CEP83: variants seen among roughly 807,000 people sequenced by gnomAD.
The protein encoded by CEP83 is centrosomal protein of 83 kDa.
Under a neutral mutation model 101.9 loss-of-function variants are expected in CEP83, and 70 were observed. The observed-to-expected ratio is 0.69, with a 90% CI of 0.57 to 0.84. The LOEUF is 0.84. CEP83 is among the 40% of genes least tolerant of loss of function. The pLI is 0.00. For missense variants in CEP83, 715 were observed against 787.2 expected (o/e 0.91, Z 1.10); for synonymous variants, 264 against 267.9 (o/e 0.99, Z 0.14).
At chr12:94,297,077 C>G in the CEP83 span, 1 of 1,000,916 alleles carries the variant, frequency 1.0e-6, no homozygotes, top group Non-Finnish European at 1.5e-6. Flanking sequence ...AGTCAAAAAG[C>G]TCAAGTAACT....
At chr12:94,334,947 T>C (rs2059390001) in intron 12 of CEP83, among the ~76,000 whole-genome samples, 1 of 152,050 alleles carries the variant, frequency 6.6e-6, no homozygotes, top group Non-Finnish European at 1.5e-5. Context: ...GTTATGTCCA[T>C]CTAGTTAAGA....
the CEP83 span, among the ~76,000 whole-genome samples, chr12:94,280,466 C>T: frequency 6.6e-6 from 1 of 152,300 alleles, no homozygotes; most frequent in South Asian, 2.1e-4. Flanking sequence ...CAGTCCAGCC[C>T]CCTGCTAAAA....
chr12:94,277,730 A>C, the CEP83 span: 1 of 345,566 alleles, frequency 2.9e-6, no homozygotes, highest in South Asian at 2.2e-5. Context: ...TCTGTTTGCA[A>C]ATGAGTGGAT....
chr12:94,370,149 G>A lies in CEP83; in HGVS notation c.934-113C>T, dbSNP rs571026090. 1.1e-4 allele frequency: 71 copies of A among 640,448 alleles called. No homozygotes were observed. In the South Asian group the frequency reaches 1.4e-3, roughly 12 times the overall value. 39.7% of individuals were successfully genotyped at this position (640,448 alleles called of 1,614,324 possible). A position where few individuals can be genotyped will look rare whatever the true frequency, so the allele number is the denominator to read the frequency against. On this transcript the variant is annotated intron_variant, in intron 8 of 16. Transcript: ENST00000397809. ...GCTCTGGTAGTAAAGTAGAGTCTAA[G>A]TATCTTCCAAGAAGAAAGAAGTGTC...
At chr12:94,356,767 T>C (rs2060496164) in intron 11 of CEP83, among the ~76,000 whole-genome samples, 1 of 152,224 alleles carries the variant, frequency 6.6e-6, no homozygotes. Flanking sequence ...TTACTCGAGC[T>C]TGTCTAACTC....
At chr12:94,451,524 T>G (rs1315802817) in intron 1 of CEP83, among the ~76,000 whole-genome samples, 2 of 147,984 alleles carry the variant, frequency 1.4e-5, no homozygotes, top group South Asian at 2.1e-4. Context: ...AAACAGATAT[T>G]CCACCAAATG....
At chr12:94,333,064 A>AC (rs2059300980) in intron 13 of CEP83, among the ~76,000 whole-genome samples, 3 of 151,176 alleles carry the variant, frequency 2.0e-5, no homozygotes, top group Non-Finnish European at 3.0e-5. Context: ...AAAAAAAAAA[A>AC]ACAAATAAAT....
intron 13 of CEP83, among the ~76,000 whole-genome samples, chr12:94,332,369 T>C (rs1207962656): frequency 6.6e-6 from 1 of 152,132 alleles, no homozygotes; most frequent in Non-Finnish European, 1.5e-5. Context: ...CTTTATATGA[T>C]TTTTTTAGTA....
At chr12:94,448,118 T>TA (rs869253686) in intron 1 of CEP83, among the ~76,000 whole-genome samples, 8 of 151,794 alleles carry the variant, frequency 5.3e-5, no homozygotes, top group African/African-American at 1.9e-4. Context: ...AGGATTTTTT[T>TA]AAAAAAATAC....
chr12:94,450,535 GCCA>G (rs1379036810), intron 1 of CEP83, among the ~76,000 whole-genome samples: 1 of 152,220 alleles, frequency 6.6e-6, no homozygotes, highest in Non-Finnish European at 1.5e-5. Flanking sequence ...ACAGGCGTGA[GCCA>G]CCAAGCCTGG....
chr12:94,355,337 C>T (rs1026772469), intron 11 of CEP83, among the ~76,000 whole-genome samples: 1 of 151,800 alleles, frequency 6.6e-6, no homozygotes, highest in Non-Finnish European at 1.5e-5. Flanking sequence ...ACTAAAAATA[C>T]AAAAAATTAG....
At chr12:94,396,174 C>G (rs1432990773) in intron 6 of CEP83, among the ~76,000 whole-genome samples, 1 of 150,144 alleles carries the variant, frequency 6.7e-6, no homozygotes, top group Non-Finnish European at 1.5e-5. Flanking sequence ...ATAATAAAAA[C>G]AAAATAGTCC....
At chr12:94,332,078 T>A (rs1008201773) in intron 13 of CEP83, among the ~76,000 whole-genome samples, 3 of 152,228 alleles carry the variant, frequency 2.0e-5, no homozygotes, top group Non-Finnish European at 2.9e-5. Context: ...CTGTCACCTT[T>A]ATACTTCTGT....
intron 2 of CEP83, among the ~76,000 whole-genome samples, chr12:94,430,775 C>T (rs994805946): frequency 3.9e-5 from 6 of 152,140 alleles, no homozygotes; most frequent in African/African-American, 1.4e-4. Flanking sequence ...CTCAGAGATT[C>T]CCAAATACAG....
At chr12:94,456,700 C>T (rs565630062) in intron 1 of CEP83, among the ~76,000 whole-genome samples, 5 of 152,220 alleles carry the variant, frequency 3.3e-5, no homozygotes, top group South Asian at 2.1e-4. Flanking sequence ...TGGGGGAAAC[C>T]GCCGCCATGA....
chr12:94,363,792 AC>A (rs2060891193), intron 11 of CEP83, among the ~76,000 whole-genome samples: 1 of 151,984 alleles, frequency 6.6e-6, no homozygotes, highest in Non-Finnish European at 1.5e-5. Flanking sequence ...CTACAAAAAT[AC>A]AAAAATTAGC....
chr12:94,335,675 C>G lies in CEP83; in HGVS notation c.1344-11G>C. 1 of 1,540,730 alleles carries G rather than the reference C, an allele frequency of 6.5e-7. No homozygotes were observed. Among genetic ancestry groups the G allele is most frequent in the Non-Finnish European group, 8.9e-7 (1 of 1,129,796 alleles). ...TGCTGAAGTTTTAACCTAAAAATCACAACCCAACAAAAGGCATTATTAAGA... is the reference window on the plus strand; with the variant it reads ...TGCTGAAGTTTTAACCTAAAAATCAGAACCCAACAAAAGGCATTATTAAGA... On this transcript the variant is annotated splice_polypyrimidine_tract_variant and intron_variant, in intron 11 of 16. Coordinates refer to ENST00000397809, the MANE Select transcript of CEP83 (RefSeq NM_016122.3).
the CEP83 span, among the ~76,000 whole-genome samples, chr12:94,266,049 G>A: frequency 1.3e-5 from 2 of 152,306 alleles, no homozygotes; most frequent in East Asian, 3.9e-4. Flanking sequence ...GCTTCTTCAC[G>A]ATCTCGTTAG....
chr12:94,437,427 C>CA (rs200544897), intron 1 of CEP83, among the ~76,000 whole-genome samples: 4,539 of 152,244 alleles, frequency 0.03, 152 homozygotes, highest in Non-Finnish European at 0.039. Flanking sequence ...CCTAGGCACA[C>CA]AGTCATCAGG....
Sources: allele counts gnomAD v4.1 joint callset (sites outside exome capture counted in the v4.1 genomes callset), GRCh38; gene constraint gnomAD v4.1.1; transcripts MANE v1.5; gene names NCBI Gene and HGNC (gene_info 2026-07-23, HGNC 2026-07-21).